PRKN: variants seen among roughly 807,000 people sequenced by gnomAD.
PRKN encodes the protein parkin RBR E3 ubiquitin protein ligase, also known as E3 ubiquitin-protein ligase parkin.
In PRKN, 56 loss-of-function variants were observed where a neutral mutation model predicts 59.5. The observed-to-expected ratio is 0.94, with a 90% CI of 0.76 to 1.18. The LOEUF (loss-of-function observed/expected upper bound fraction) is 1.18. PRKN is among the 50% of genes most tolerant of loss of function. PRKN has a pLI of 0.00. For synonymous variants in PRKN, 250 were observed against 222.1 expected (o/e 1.13, Z -1.12); for missense variants, 657 against 596.4 (o/e 1.10, Z -1.06).
At chr6:161,917,851 G>T (rs1285742387) in intron 6 of PRKN, among the ~76,000 whole-genome samples, 1 of 152,136 alleles carries the variant, frequency 6.6e-6, no homozygotes, top group African/African-American at 2.4e-5. Context: ...AACCACAATG[G>T]GTGAAGGAGA....
intron 1 of PRKN, among the ~76,000 whole-genome samples, chr6:162,450,699 T>C (rs977385905): frequency 1.3e-5 from 2 of 152,100 alleles, no homozygotes; most frequent in African/African-American, 4.8e-5. Flanking sequence ...TGGCCAGCAC[T>C]GCGCAAACCT....
intron 1 of PRKN, among the ~76,000 whole-genome samples, chr6:162,512,469 C>G (rs1028096338): frequency 1.9e-4 from 29 of 152,176 alleles, no homozygotes; most frequent in Non-Finnish European, 1.2e-4. Context: ...GAAATAACAA[C>G]AAGGGAGAAT....
At chr6:162,282,078 C>G (rs902567944) in intron 2 of PRKN, among the ~76,000 whole-genome samples, 2 of 152,184 alleles carry the variant, frequency 1.3e-5, no homozygotes, top group Admixed American at 6.5e-5. Flanking sequence ...ATACTCACCC[C>G]CTGCTGTGCA....
At chr6:161,406,448 T>C (rs1787281954) in intron 9 of PRKN, among the ~76,000 whole-genome samples, 1 of 152,128 alleles carries the variant, frequency 6.6e-6, no homozygotes, top group Non-Finnish European at 1.5e-5. Flanking sequence ...GCTCAGTATA[T>C]AGAAACTTTT....
Position 162,013,064 on chromosome 6 carries a change from G to C in PRKN, c.619-39647C>G, listed in dbSNP as rs572858759. Among the ~76,000 whole-genome samples the C allele has an allele frequency of 3.3e-5, 5 of 152,152 alleles. No individual in the cohort carries two copies. The South Asian group carries it at 1.0e-3, about 32-fold the overall frequency. On this transcript the variant is annotated intron_variant, in intron 5 of 11. Transcript: ENST00000366898. ...TAGTATCCATTGATAATCCCTGCTTGAATCAATTATTAGTATGATGGTTGC... is the reference window on the plus strand; with the variant it reads ...TAGTATCCATTGATAATCCCTGCTTCAATCAATTATTAGTATGATGGTTGC...
intron 2 of PRKN, among the ~76,000 whole-genome samples, chr6:162,392,852 A>G (rs1194205183): frequency 6.6e-6 from 1 of 152,202 alleles, no homozygotes; most frequent in Non-Finnish European, 1.5e-5. Context: ...GTATTTGAGA[A>G]TACACACTTG....
intron 3 of PRKN, among the ~76,000 whole-genome samples, chr6:162,248,577 T>TG (rs1221044982): frequency 6.6e-6 from 1 of 152,090 alleles, no homozygotes; most frequent in Non-Finnish European, 1.5e-5. Flanking sequence ...AATAGACTCT[T>TG]GGGTACTGGC....
intron 4 of PRKN, among the ~76,000 whole-genome samples, chr6:162,145,311 A>G (rs1781974352): frequency 6.6e-6 from 1 of 152,200 alleles, no homozygotes. Flanking sequence ...ATTCAGAATA[A>G]GGATATGTAG....
intron 2 of PRKN, among the ~76,000 whole-genome samples, chr6:162,414,962 CT>C (rs1376720166): frequency 2.0e-5 from 3 of 151,972 alleles, no homozygotes. Context: ...AATTTCTGTT[CT>C]TTTATTTAAG....
intron 2 of PRKN, among the ~76,000 whole-genome samples, chr6:162,327,611 A>G (rs1225714958): frequency 3.0e-5 from 3 of 101,176 alleles, no homozygotes; most frequent in African/African-American, 1.0e-4. Context: ...TAGGTTTTGA[A>G]AATGTTAGGT....
chr6:161,839,706 T>C (rs1204941644), intron 6 of PRKN, among the ~76,000 whole-genome samples: 2 of 152,274 alleles, frequency 1.3e-5, no homozygotes, highest in East Asian at 3.9e-4. Flanking sequence ...TAAAGCCTTC[T>C]GGGATTCAGA....
rs961585402 is a variant in PRKN at position 162,677,103 on chromosome 6, T to G, written c.7+50559A>C. ...AAAAAATGACCTAAGAATCAATGCA[T>G]GTGGTAGGAAATGCTGGAAAAAAAA... On this transcript the variant is annotated intron_variant, in intron 1 of 11. Transcript: ENST00000366898. 3.1e-4 allele frequency among the ~76,000 whole-genome samples: 42 copies of G among 136,018 alleles called. 1 individual carries two copies. Among genetic ancestry groups the G allele is most frequent in the African/African-American group, 1.1e-3 (41 of 36,796 alleles). 89.2% of individuals were successfully genotyped at this position (136,018 alleles called of 152,430 possible). A position where few individuals can be genotyped will look rare whatever the true frequency, so the allele number is the denominator to read the frequency against.
chr6:161,731,605 T>C (rs1436202544), intron 7 of PRKN, among the ~76,000 whole-genome samples: 1 of 152,212 alleles, frequency 6.6e-6, no homozygotes, highest in African/African-American at 2.4e-5. Flanking sequence ...TAAAGGCTTT[T>C]GGAAATATAA....
At chr6:161,971,496 C>A (rs1296039003) in intron 6 of PRKN, among the ~76,000 whole-genome samples, 1 of 152,200 alleles carries the variant, frequency 6.6e-6, no homozygotes, top group African/African-American at 2.4e-5. Context: ...ACTTTTCAAT[C>A]CCTTTCCCGA....
In PRKN at chr6:161,407,766, T is replaced by G. The variant is rs2114994975; in HGVS notation, c.1084-20889A>C. 6.6e-6 allele frequency among the ~76,000 whole-genome samples: 1 copy of G among 152,252 alleles called. No individual in the cohort carries two copies. Among genetic ancestry groups the G allele is most frequent in the South Asian group, 2.1e-4 (1 of 4,826 alleles). ...TCCTGCCATAACTGATTGACCAACC[T>G]TATGACATTCCACCATTATGACTTG... On this transcript the variant is annotated intron_variant, in intron 9 of 11. Coordinates refer to ENST00000366898, the MANE Select transcript of PRKN (RefSeq NM_004562.3). The surrounding 1 kb of genome is among the most constrained non-coding windows in gnomAD (Gnocchi z 4.9).
chr6:161,908,528 G>A (rs181040472), intron 6 of PRKN, among the ~76,000 whole-genome samples: 18 of 152,194 alleles, frequency 1.2e-4, no homozygotes, highest in Admixed American at 5.9e-4. Flanking sequence ...CATTTTGACA[G>A]AGGTAAAAAA....
At chr6:162,519,405 A>G (rs1232257448) in intron 1 of PRKN, among the ~76,000 whole-genome samples, 4 of 152,142 alleles carry the variant, frequency 2.6e-5, no homozygotes, top group African/African-American at 9.7e-5. Context: ...GTATTAGCCT[A>G]TGAGGGCTCT....
chr6:162,181,585 G>T (rs1783806379), intron 4 of PRKN, among the ~76,000 whole-genome samples: 1 of 152,084 alleles, frequency 6.6e-6, no homozygotes, highest in Non-Finnish European at 1.5e-5. Context: ...ATACAGTGTT[G>T]TACAAGAACC....
intron 3 of PRKN, among the ~76,000 whole-genome samples, chr6:162,250,448 ACTTTTC>A (rs1162940767): frequency 6.6e-6 from 1 of 152,160 alleles, no homozygotes; most frequent in Admixed American, 6.5e-5. Flanking sequence ...GCTAGAAAGA[ACTTTTC>A]CTTTGATCCT....
Sources: allele counts gnomAD v4.1 joint callset (sites outside exome capture counted in the v4.1 genomes callset), GRCh38; gene constraint gnomAD v4.1.1; non-coding constraint Gnocchi (gnomAD v3.1); transcripts MANE v1.5; gene names NCBI Gene and HGNC (gene_info 2026-07-23, HGNC 2026-07-21).